EMSY: variants seen among roughly 807,000 people sequenced by gnomAD.
EMSY encodes the protein EMSY transcriptional repressor, BRCA2 interacting, also known as BRCA2-interacting transcriptional repressor EMSY.
Under a neutral mutation model 134.6 loss-of-function variants are expected in EMSY, and 26 were observed. That is an observed-to-expected ratio of 0.19 (90% confidence interval 0.14 to 0.27). The LOEUF (loss-of-function observed/expected upper bound fraction) is 0.27, where lower values mean the gene tolerates loss of function less well. Ranked by LOEUF, EMSY falls within the 10% of genes least tolerant of loss-of-function variation. The pLI is 1.00. For missense variants in EMSY, 1,305 were observed against 1,611.4 expected (o/e 0.81, Z 3.26); for synonymous variants, 579 against 577.8 (o/e 1.00, Z -0.03).
At chr11:76,476,096 T>C (rs1278776261) in intron 8 of EMSY, among the ~76,000 whole-genome samples, 1 of 152,242 alleles carries the variant, frequency 6.6e-6, no homozygotes, top group Non-Finnish European at 1.5e-5. Context: ...CTGTGTATTG[T>C]AGTTTAACAA....
At position 76,544,293 on chromosome 11, in the gene EMSY, G is replaced by A. The variant is rs191759200; in HGVS notation, c.2744G>A (p.Ser915Asn). The change falls in exon 19 of 21, where the codon AGC becomes AAC. Residue 915 changes from serine to asparagine, a missense_variant. Coordinates refer to ENST00000334736, the Ensembl canonical transcript of EMSY. ...AGTCACACTGCTTTTACCAAACACA[G>A]CGAGGAACTTGGAACTGAGGAGGGC... 2.2e-5 allele frequency: 36 copies of A among 1,614,046 alleles called. No individual in the cohort carries two copies. The Admixed American group carries it at 4.2e-4, about 19-fold the overall frequency.
exon 15 of EMSY, chr11:76,535,932 T>C: frequency 1.3e-6 from 2 of 1,569,312 alleles, no homozygotes; most frequent in Non-Finnish European, 8.6e-7. Flanking sequence ...CTTCCCGGCG[T>C]CAGGATTGGT....
intron 4 of EMSY, 95 bp downstream of exon 5, chr11:76,454,885 G>A (rs1164469292): frequency 1.1e-6 from 1 of 930,254 alleles, no homozygotes; most frequent in Non-Finnish European, 1.6e-6. Flanking sequence ...TTCCATTTAT[G>A]AATTAACCAT....
chr11:76,547,796 A>G (rs1951706987), intron 20 of EMSY, among the ~76,000 whole-genome samples: 1 of 152,238 alleles, frequency 6.6e-6, no homozygotes. Flanking sequence ...CTTTATAAAC[A>G]GGAGTGAAAA....
downstream of EMSY, chr11:76,552,811 C>G (rs1951867761): frequency 6.6e-6 from 1 of 152,214 alleles, no homozygotes. Flanking sequence ...CACCATCGCT[C>G]CAGCCCTGGG....
intron 6 of EMSY, chr11:76,460,309 G>A: frequency 2.2e-6 from 1 of 449,608 alleles, no homozygotes; most frequent in Admixed American, 3.6e-5. Flanking sequence ...TTGTCTGTGG[G>A]TAATCTGCCT....
At chr11:76,542,975 T>C (rs1431168248) in intron 18 of EMSY, among the ~76,000 whole-genome samples, 1 of 152,196 alleles carries the variant, frequency 6.6e-6, no homozygotes, top group Non-Finnish European at 1.5e-5. Flanking sequence ...TCGGATACTG[T>C]GCTTTGAGCT....
At chr11:76,550,259 C>T in exon 21 of EMSY, 1 of 772,788 alleles carries the variant, frequency 1.3e-6, no homozygotes, top group Non-Finnish European at 1.8e-6. Context: ...GCTGTGGACC[C>T]TAAAACAGCA....
chr11:76,483,485 C>T (rs977946548), intron 8 of EMSY, among the ~76,000 whole-genome samples: 10 of 152,128 alleles, frequency 6.6e-5, no homozygotes, highest in Non-Finnish European at 1.5e-4. Context: ...CAAGACCCAT[C>T]GGTGTGCTGT....
chr11:76,523,092 A>G (rs747325647), intron 11 of EMSY, 63 bp from the exon 13 acceptor site: 448 of 1,500,154 alleles, frequency 3.0e-4, no homozygotes, highest in Non-Finnish European at 3.9e-4. Context: ...TATAATATAA[A>G]CAAAAATAAC....
At chr11:76,486,348 T>TA (rs1242176503) in intron 8 of EMSY, among the ~76,000 whole-genome samples, 1 of 152,174 alleles carries the variant, frequency 6.6e-6, no homozygotes, top group African/African-American at 2.4e-5. Flanking sequence ...CGTGTATACT[T>TA]ATGTGACAAA....
chr11:76,523,769 G>A (rs1237841537), intron 12 of EMSY, among the ~76,000 whole-genome samples: 4 of 138,014 alleles, frequency 2.9e-5, no homozygotes, highest in Non-Finnish European at 4.6e-5. Context: ...ATCAGACTGG[G>A]TGTGGTGGCA....
rs1947759156 is a variant in EMSY at position 76,453,696 on chromosome 11, T to C, written c.245+308T>C. On this transcript the variant is annotated intron_variant, in intron 4 of 20. Transcript: ENST00000334736. ...TGAGGCCAAGTTCAGTAACAAAGTA[T>C]TGTGACCCCTAAAATTGAAAGCCCT... 2.9e-5 allele frequency: 6 copies of C among 203,670 alleles called. No individual in the cohort carries two copies. The South Asian group carries it at 7.3e-4, about 25-fold the overall frequency. The allele number at this position is 203,670 out of a possible 1,614,324, so 12.6% of individuals were successfully genotyped here. A position where few individuals can be genotyped will look rare whatever the true frequency, so the allele number is the denominator to read the frequency against.
intron 5 of EMSY, 135 bp from the exon 7 acceptor site, chr11:76,459,798 C>T (rs765695712): frequency 1.1e-6 from 1 of 887,536 alleles, no homozygotes; most frequent in Non-Finnish European, 1.7e-6. Context: ...AATCTGTGGA[C>T]CTAATACCTA....
At chr11:76,544,861 T>C (rs763118642) in intron 19 of EMSY, 39 bp downstream of exon 20, 16 of 1,588,174 alleles carry the variant, frequency 1.0e-5, no homozygotes, top group East Asian at 2.2e-5. Flanking sequence ...TAAACTTCTC[T>C]GTTCACGGAA....
chr11:76,464,182 A>G, intron 7 of EMSY, 102 bp downstream of exon 8: 1 of 1,328,250 alleles, frequency 7.5e-7, no homozygotes. Flanking sequence ...GCTTGGCATT[A>G]TGCTGGGGAT....
At chr11:76,499,349 G>A (rs1280131013) in intron 9 of EMSY, among the ~76,000 whole-genome samples, 5 of 133,246 alleles carry the variant, frequency 3.8e-5, no homozygotes, top group Non-Finnish European at 7.6e-5. Flanking sequence ...GTGCAGGGGC[G>A]CTATCTCGGC....
At chr11:76,466,156 C>T (rs1439972441) in intron 7 of EMSY, among the ~76,000 whole-genome samples, 1 of 152,192 alleles carries the variant, frequency 6.6e-6, no homozygotes, top group Non-Finnish European at 1.5e-5. Flanking sequence ...GTCAATCTCC[C>T]TCATGACAGT....
chr11:76,490,670 T>C (rs1337761063), intron 8 of EMSY, among the ~76,000 whole-genome samples: 1 of 152,244 alleles, frequency 6.6e-6, no homozygotes, highest in Non-Finnish European at 1.5e-5. Context: ...TTCAAACTGG[T>C]GATTTTCTTT....
Sources: allele counts gnomAD v4.1 joint callset (sites outside exome capture counted in the v4.1 genomes callset), GRCh38; gene constraint gnomAD v4.1.1; transcripts MANE v1.5; gene names NCBI Gene and HGNC (gene_info 2026-07-23, HGNC 2026-07-21).